Variants in KAZN observed in about 807,000 individuals in gnomAD.
KAZN encodes kazrin, periplakin interacting protein.
KAZN carries 40 observed loss-of-function variants against 87.4 expected under a neutral mutation model. That is an observed-to-expected ratio of 0.46 (90% CI 0.36 to 0.60). The LOEUF (loss-of-function observed/expected upper bound fraction) is 0.60, where lower values mean the gene tolerates loss of function less well. KAZN is among the 20% of genes least tolerant of loss of function. The pLI is 0.00. For missense variants in KAZN, 898 were observed against 1,073.9 expected (o/e 0.84, Z 2.29); for synonymous variants, 466 against 458.3 (o/e 1.02, Z -0.22).
intron 2 of KAZN, among the ~76,000 whole-genome samples, chr1:14,309,376 T>C (rs917782353): frequency 6.6e-6 from 1 of 152,168 alleles, no homozygotes; most frequent in Non-Finnish European, 1.5e-5. Context: ...AAATGAGATA[T>C]GGATATTTTT....
At chr1:14,091,890 C>G (rs1205548611) in intron 1 of KAZN, among the ~76,000 whole-genome samples, 2 of 152,076 alleles carry the variant, frequency 1.3e-5, no homozygotes, top group African/African-American at 4.8e-5. Context: ...TAGACTTTGG[C>G]TTACCCCATA....
At chr1:14,084,048 G>T (rs1643774565) in intron 1 of KAZN, among the ~76,000 whole-genome samples, 1 of 152,174 alleles carries the variant, frequency 6.6e-6, no homozygotes, top group Non-Finnish European at 1.5e-5. Context: ...GCAGTGAGGA[G>T]GCTGGATAGA....
chr1:13,994,313 G>T (rs551590403), intron 1 of KAZN, among the ~76,000 whole-genome samples: 187 of 152,302 alleles, frequency 1.2e-3, no homozygotes, highest in African/African-American at 4.5e-3. Flanking sequence ...TTCAAACTCA[G>T]CAGAGCCAAT....
At chr1:15,013,386 A>T (rs1490235782) in intron 2 of KAZN, among the ~76,000 whole-genome samples, 2 of 152,200 alleles carry the variant, frequency 1.3e-5, no homozygotes, top group African/African-American at 2.4e-5. Context: ...TCAGATGAAA[A>T]AAGAGCATAA....
At chr1:14,809,190 T>C (rs1363830266) in intron 1 of KAZN, among the ~76,000 whole-genome samples, 24 of 152,160 alleles carry the variant, frequency 1.6e-4, no homozygotes, top group Admixed American at 1.6e-3. Flanking sequence ...CTGAGCACAT[T>C]ACCTCCCAAA....
At chr1:14,172,779 C>T (rs750883627) in intron 1 of KAZN, among the ~76,000 whole-genome samples, 11 of 152,204 alleles carry the variant, frequency 7.2e-5, no homozygotes, top group Non-Finnish European at 1.5e-4. Context: ...TTTCTTGGCC[C>T]TTCTCTATAT....
intron 1 of KAZN, among the ~76,000 whole-genome samples, chr1:14,659,692 T>C (rs1346192160): frequency 2.6e-5 from 4 of 152,126 alleles, no homozygotes; most frequent in Non-Finnish European, 5.9e-5. Context: ...GATAGATCAT[T>C]TTAAAGTGAG....
chr1:14,776,112 C>T (rs945217667), intron 1 of KAZN, among the ~76,000 whole-genome samples: 6 of 152,178 alleles, frequency 3.9e-5, no homozygotes, highest in African/African-American at 9.7e-5. Context: ...TAGATTCAAG[C>T]GATTCTCCTG....
At chr1:14,868,769 A>G (rs1260404399) in intron 1 of KAZN, among the ~76,000 whole-genome samples, 1 of 151,930 alleles carries the variant, frequency 6.6e-6, no homozygotes, top group African/African-American at 2.4e-5. Flanking sequence ...TCTTGAGCCC[A>G]GGAACTCAAG....
At chr1:14,401,154 C>T (rs778655322) in intron 2 of KAZN, among the ~76,000 whole-genome samples, 11 of 152,124 alleles carry the variant, frequency 7.2e-5, no homozygotes, top group Non-Finnish European at 1.5e-4. Context: ...GAAGTGATGA[C>T]ACTTGAGTGA....
chr1:14,283,983 A>G (rs1335013224), intron 2 of KAZN, among the ~76,000 whole-genome samples: 1 of 152,216 alleles, frequency 6.6e-6, no homozygotes, highest in Non-Finnish European at 1.5e-5. Context: ...ACATTATGCT[A>G]AGTGAAATAA....
chr1:13,917,225 G>T (rs1022657409), intron 1 of KAZN, among the ~76,000 whole-genome samples: 1 of 152,214 alleles, frequency 6.6e-6, no homozygotes, highest in Non-Finnish European at 1.5e-5. Context: ...AGCAGCAAGT[G>T]TTGATGGAGA....
intron 1 of KAZN, among the ~76,000 whole-genome samples, chr1:14,110,774 G>C (rs1644485640): frequency 7.5e-6 from 1 of 133,130 alleles, no homozygotes; most frequent in Non-Finnish European, 1.6e-5. Context: ...TTCAGGCTTA[G>C]TACAGGGAAA....
At chr1:14,748,308 A>G (rs1002383600) in intron 1 of KAZN, among the ~76,000 whole-genome samples, 1 of 152,220 alleles carries the variant, frequency 6.6e-6, no homozygotes, top group African/African-American at 2.4e-5. Context: ...TTTAGCTCAC[A>G]GGAATGCAAG....
At chr1:14,270,378 G>A (rs1477836356) in intron 2 of KAZN, among the ~76,000 whole-genome samples, 1 of 152,186 alleles carries the variant, frequency 6.6e-6, no homozygotes, top group Non-Finnish European at 1.5e-5. Context: ...AACAACTGAT[G>A]TTGACTCTGA....
intron 1 of KAZN, among the ~76,000 whole-genome samples, chr1:14,826,993 A>G (rs1242289113): frequency 1.3e-5 from 2 of 152,172 alleles, no homozygotes; most frequent in African/African-American, 4.8e-5. Context: ...TCTTGGAATC[A>G]ATCCCCACCT....
At chr1:14,483,865 A>G (rs1045469678) in intron 2 of KAZN, among the ~76,000 whole-genome samples, 15 of 152,120 alleles carry the variant, frequency 9.9e-5, no homozygotes, top group Non-Finnish European at 1.9e-4. Flanking sequence ...CCATTGCCCT[A>G]TGTTTTCTTC....
intron 1 of KAZN, among the ~76,000 whole-genome samples, chr1:14,921,278 T>C (rs1377900616): frequency 1.3e-5 from 2 of 152,090 alleles, no homozygotes; most frequent in Non-Finnish European, 2.9e-5. Flanking sequence ...CTTGGATGAC[T>C]GAAAAGTAAC....
At chr1:14,836,708 CGAT>C (rs920390562) in intron 1 of KAZN, among the ~76,000 whole-genome samples, 10 of 152,158 alleles carry the variant, frequency 6.6e-5, no homozygotes, top group African/African-American at 2.2e-4. Context: ...AAGTCCTGCA[CGAT>C]GTGGGGAGGG....
Sources: allele counts gnomAD v4.1 joint callset (sites outside exome capture counted in the v4.1 genomes callset), GRCh38; gene constraint gnomAD v4.1.1; transcripts MANE v1.5; gene names NCBI Gene and HGNC (gene_info 2026-07-23, HGNC 2026-07-21).